Variants in KAT6A observed in about 807,000 individuals in gnomAD.
KAT6A encodes the protein histone acetyltransferase KAT6A.
Under a neutral mutation model 198.4 loss-of-function variants are expected in KAT6A, and 9 were observed. The ratio of observed to expected loss-of-function variants is 0.05; its 90% CI spans 0.03 to 0.08. The LOEUF is 0.08. KAT6A is among the 10% of genes least tolerant of loss of function. The pLI, the probability that KAT6A is intolerant of heterozygous loss-of-function variation, is 1.00. For synonymous variants in KAT6A, 890 were observed against 883.0 expected, an observed-to-expected ratio of 1.01 and a Z score of -0.14; for missense variants, 2,077 against 2,509.9, an observed-to-expected ratio of 0.83 and a Z score of 3.69.
chr8:42,033,306 A>C (rs1291584639), intron 2 of KAT6A, among the ~76,000 whole-genome samples: 2 of 152,186 alleles, frequency 1.3e-5, no homozygotes, highest in Non-Finnish European at 2.9e-5. Flanking sequence ...AAGTAAAAAG[A>C]TGTATCCTGC....
chr8:41,981,057 C>T (rs530395814), intron 4 of KAT6A, 130 bp from the exon 5 acceptor site: 29 of 671,710 alleles, frequency 4.3e-5, no homozygotes, highest in Non-Finnish European at 6.1e-5. Context: ...CAATGGCTCA[C>T]GCCTGTAATC....
chr8:42,028,925 C>T (rs1250620475), intron 2 of KAT6A, among the ~76,000 whole-genome samples: 1 of 152,124 alleles, frequency 6.6e-6, no homozygotes, highest in Non-Finnish European at 1.5e-5. Context: ...CATGGCGGTA[C>T]ATATTGCCCT....
chr8:41,989,612 T>C (rs781124105), intron 2 of KAT6A, among the ~76,000 whole-genome samples: 2 of 152,258 alleles, frequency 1.3e-5, no homozygotes, highest in Admixed American at 6.5e-5. Context: ...GTAACATTCA[T>C]GTAGCAATAC....
rs1242349376 is a variant in KAT6A, at chr8:42,048,464, T to C, written c.514A>G (p.Lys172Glu). 6.2e-7 allele frequency: 1 copy of C among 1,614,148 alleles called. No individual in the cohort carries two copies. Among genetic ancestry groups the C allele is most frequent in the South Asian group, 1.1e-5 (1 of 91,084 alleles). ...KDGPLYRLNT[K>E]ATNVDGKESC... is the part of the protein sequence containing the mutation. ...TCTTTCCCATCCACGTTGGTTGCTT[T>C]AGTGTTGAGCCGATAAAGAGGTCCA... Residue 172 changes from lysine (K) to glutamate (E), a missense_variant, in exon 2 of 17, where the codon AAA (lysine) becomes GAA (glutamate). Transcript: ENST00000265713.
At chr8:41,959,038 T>C (rs1823060426) in intron 8 of KAT6A, among the ~76,000 whole-genome samples, 1 of 151,648 alleles carries the variant, frequency 6.6e-6, no homozygotes, top group South Asian at 2.1e-4. Flanking sequence ...GGCGGGCACC[T>C]GTAGTCCCAG....
chr8:42,043,302 T>A (rs980863631), intron 2 of KAT6A, among the ~76,000 whole-genome samples: 3 of 152,172 alleles, frequency 2.0e-5, no homozygotes, highest in Non-Finnish European at 4.4e-5. Context: ...TTTAAGCCAG[T>A]TACACACTCT....
chr8:41,938,418 G>A (rs1038519663), intron 15 of KAT6A, among the ~76,000 whole-genome samples: 2 of 152,132 alleles, frequency 1.3e-5, no homozygotes, highest in African/African-American at 4.8e-5. Flanking sequence ...TCATGATCAT[G>A]CAATGAACAG....
intron 2 of KAT6A, among the ~76,000 whole-genome samples, chr8:42,026,287 G>GT (rs1399158816): frequency 6.6e-6 from 1 of 152,092 alleles, no homozygotes; most frequent in African/African-American, 2.4e-5. Flanking sequence ...TTTTAGGATT[G>GT]TTTTTTCTAT....
chr8:42,018,697 T>C (rs1013155553), intron 2 of KAT6A, among the ~76,000 whole-genome samples: 4 of 152,022 alleles, frequency 2.6e-5, no homozygotes, highest in Admixed American at 2.0e-4. Context: ...CCGAGGTGGA[T>C]GGATCACCTG....
intron 2 of KAT6A, among the ~76,000 whole-genome samples, chr8:42,042,069 C>G (rs16891028): frequency 0.1 from 15,945 of 152,160 alleles, 1,070 homozygotes; most frequent in East Asian, 0.25. Flanking sequence ...AAAATACCAC[C>G]ATTCTAACAT....
At chr8:42,018,575 C>T (rs1826376536) in intron 2 of KAT6A, among the ~76,000 whole-genome samples, 1 of 151,988 alleles carries the variant, frequency 6.6e-6, no homozygotes, top group African/African-American at 2.4e-5. Flanking sequence ...AGCTACTAAC[C>T]ATCTCTGTTA....
intron 2 of KAT6A, among the ~76,000 whole-genome samples, chr8:42,038,679 C>T (rs2150926105): frequency 6.6e-6 from 1 of 152,322 alleles, no homozygotes; most frequent in East Asian, 1.9e-4. Flanking sequence ...ATTAGAATCA[C>T]TGTGATCCAA....
At chr8:41,974,448 C>T (rs1823949863) in intron 8 of KAT6A, 1 of 288,242 alleles carries the variant, frequency 3.5e-6, no homozygotes, top group African/African-American at 2.2e-5. Context: ...AATTCTTCTT[C>T]ATACAGTAAG....
In KAT6A at chr8:41,933,187, T is replaced by G; in HGVS notation, c.5033A>C (p.Gln1678Pro). Residue 1678 changes from glutamine to proline, a missense_variant, in exon 17 of 17, where the codon CAG becomes CCG. By Grantham distance (76) the Gln-to-Pro change is moderately conservative. Coordinates refer to ENST00000265713, the MANE Select transcript of KAT6A (RefSeq NM_006766.5). This position sits in a 1 kb window ranked among gnomAD's most constrained non-coding sequence, Gnocchi z 6.2. ...CTGAGGCTGCGGCTGCTGTTGCGGC[T>G]GCTGCTGGGGTGGTGGAGGCTGTGG... ...PAPQPPPPQQ[Q>P]PQQQPQPQPQ... 4 of 1,589,122 alleles carry G rather than the reference T, an allele frequency of 2.5e-6. No homozygotes were observed. Among genetic ancestry groups the G allele is most frequent in the Non-Finnish European group, 3.4e-6 (4 of 1,170,420 alleles).
chr8:41,993,190 T>C (rs943481363), intron 2 of KAT6A, among the ~76,000 whole-genome samples: 4 of 152,144 alleles, frequency 2.6e-5, no homozygotes, highest in Non-Finnish European at 5.9e-5. Context: ...TTCATCAAAG[T>C]GAAGGGTTGA....
At chr8:42,044,350 C>A (rs145778166) in intron 2 of KAT6A, among the ~76,000 whole-genome samples, 25 of 152,154 alleles carry the variant, frequency 1.6e-4, no homozygotes, top group African/African-American at 5.5e-4. Flanking sequence ...CCACCCCCCC[C>A]TCGGCATCCC....
chr8:41,940,384 T>G (rs1318481), intron 15 of KAT6A, among the ~76,000 whole-genome samples: 84,902 of 152,056 alleles, frequency 0.56, 24,085 homozygotes, highest in African/African-American at 0.63. Flanking sequence ...TGAGCTACTG[T>G]ACTCTGAGTA....
chr8:42,024,852 A>T (rs1315165643), intron 2 of KAT6A, among the ~76,000 whole-genome samples: 2 of 152,158 alleles, frequency 1.3e-5, no homozygotes, highest in Non-Finnish European at 2.9e-5. Context: ...AACAACTCAT[A>T]GATACTTAGG....
Position 41,932,961 on chromosome 8 carries a change from T to C in KAT6A, c.5259A>G (p.Leu1753=), listed in dbSNP as rs148308447. The C allele has an allele frequency of 1.7e-4, 278 of 1,614,146 alleles. No individual in the cohort carries two copies. In the African/African-American group the frequency reaches 3.6e-3, roughly 21 times the overall value. The change falls in exon 17 of 17, where the codon CTA becomes CTG. Residue 1753 remains leucine (L), a synonymous_variant. Transcript: ENST00000265713. ...TGTTGGTCAGCTGCTGCAGCTTGGC[T>C]AGGCTGAAGGTGGCTGATGGTTGAG... ...SYSQPSATFS[L]AKLQQLTNTI...
Sources: allele counts gnomAD v4.1 joint callset (sites outside exome capture counted in the v4.1 genomes callset), GRCh38; gene constraint gnomAD v4.1.1; non-coding constraint Gnocchi (gnomAD v3.1); transcripts MANE v1.5; gene names NCBI Gene and HGNC (gene_info 2026-07-23, HGNC 2026-07-21).